The following GNAO1 variants were observed in gnomAD, a reference collection of about 807,000 sequenced individuals.
GNAO1 encodes the protein guanine nucleotide-binding protein G(o) subunit alpha.
For synonymous variants in GNAO1, 164 were observed against 180.7 expected (o/e 0.91, Z 0.74); for missense variants, 166 against 478.7 (o/e 0.35, Z 6.10).
chr16:56,257,605 C>T (rs1230425172), intron 2 of GNAO1, among the ~76,000 whole-genome samples: 7 of 152,100 alleles, frequency 4.6e-5, no homozygotes, highest in African/African-American at 1.4e-4. Context: ...CAAGCTGAAC[C>T]GTTTTCACAA....
chr16:56,346,960 C>A (rs2037876098), intron 6 of GNAO1: 1 of 985,296 alleles, frequency 1.0e-6, no homozygotes, highest in Non-Finnish European at 1.2e-6. Flanking sequence ...AGCCCCTGCT[C>A]CCACCTAACA....
At chr16:56,248,541 C>T (rs1163407472) in intron 2 of GNAO1, among the ~76,000 whole-genome samples, 2 of 152,098 alleles carry the variant, frequency 1.3e-5, no homozygotes, top group African/African-American at 4.8e-5. Flanking sequence ...AAGAGAGGCA[C>T]CACACAGAAA....
At chr16:56,263,092 C>T (rs147433032) in intron 2 of GNAO1, among the ~76,000 whole-genome samples, 5 of 152,236 alleles carry the variant, frequency 3.3e-5, no homozygotes, top group East Asian at 3.9e-4. Context: ...AATGAGGGAG[C>T]GAGTCTAGTT....
chr16:56,203,927 G>T lies in GNAO1; in HGVS notation c.161+11311G>T, dbSNP rs531543854. ...GTAGGGCTAGATTATAGGGTTCCCT[G>T]ATAGTTTTTCTAAGGGGTATATAGG... On this transcript the variant is annotated intron_variant, in intron 2 of 8. Transcript: ENST00000262493. 3.9e-4 allele frequency among the ~76,000 whole-genome samples: 59 copies of T among 152,174 alleles called. 1 individual carries two copies. The highest frequency in any genetic ancestry group is 7.3e-4 in the Non-Finnish European group (50 of 68,034).
chr16:56,292,926 G>A (rs537501519), intron 3 of GNAO1, among the ~76,000 whole-genome samples: 6 of 152,318 alleles, frequency 3.9e-5, no homozygotes, highest in African/African-American at 9.6e-5. Flanking sequence ...CATAGTGAAC[G>A]TTAGTTCCTT....
At chr16:56,211,257 A>G (rs1210577004) in intron 2 of GNAO1, among the ~76,000 whole-genome samples, 2 of 152,216 alleles carry the variant, frequency 1.3e-5, no homozygotes, top group East Asian at 1.9e-4. Flanking sequence ...TTTATAGATG[A>G]GGAAAGTAAG....
chr16:56,328,327 G>C (rs181981571), intron 3 of GNAO1, among the ~76,000 whole-genome samples: 2 of 152,330 alleles, frequency 1.3e-5, no homozygotes, highest in South Asian at 4.1e-4. Context: ...TTGAGTTGGA[G>C]AGTGGAGAAC....
At chr16:56,345,492 C>G in intron 6 of GNAO1, 2 of 985,534 alleles carry the variant, frequency 2.0e-6, no homozygotes, top group Non-Finnish European at 2.4e-6. Flanking sequence ...GACCCACAGG[C>G]ACAGAGCTCT....
At chr16:56,290,961 T>C (rs2037226270) in intron 3 of GNAO1, among the ~76,000 whole-genome samples, 1 of 152,272 alleles carries the variant, frequency 6.6e-6, no homozygotes, top group Non-Finnish European at 1.5e-5. Flanking sequence ...TTCCGTGTTG[T>C]AGCTGAATCA....
chr16:56,332,731 C>T (rs1365803848), intron 4 of GNAO1, among the ~76,000 whole-genome samples: 3 of 152,246 alleles, frequency 2.0e-5, no homozygotes, highest in Non-Finnish European at 4.4e-5. Flanking sequence ...TTGCATGAGG[C>T]TCGGCCAGCA....
chr16:56,280,210 G>A (rs1596839107), intron 3 of GNAO1, among the ~76,000 whole-genome samples: 1 of 152,264 alleles, frequency 6.6e-6, no homozygotes, highest in Non-Finnish European at 1.5e-5. Context: ...CTTGCACATG[G>A]TGGGCAGGAA....
At position 56,328,626 on chromosome 16, in the gene GNAO1, C is replaced by G. The variant is rs2037658821; in HGVS notation, c.304-5C>G. The G allele has an allele frequency of 6.8e-6, 11 of 1,613,272 alleles. No individual in the cohort carries two copies. Among genetic ancestry groups the G allele is most frequent in the Non-Finnish European group, 8.5e-6 (10 of 1,179,370 alleles). On this transcript the variant is annotated splice_region_variant and splice_polypyrimidine_tract_variant and intron_variant, in intron 3 of 8. Transcript: ENST00000262493. ...TCAAAGCCCACCATCCACCTCTCCT[C>G]ACAGGCTGACGCCAAGATGGTGTGT...
chr16:56,245,369 A>C (rs1339976187), intron 2 of GNAO1, among the ~76,000 whole-genome samples: 1 of 152,306 alleles, frequency 6.6e-6, no homozygotes, highest in East Asian at 1.9e-4. Context: ...GGTAACGCTC[A>C]GGTCTTTTGT....
intron 5 of GNAO1, 54 bp downstream of exon 5, chr16:56,334,911 C>T (rs1213527238): frequency 6.3e-7 from 1 of 1,588,508 alleles, no homozygotes; most frequent in Non-Finnish European, 8.6e-7. Context: ...GGGACATGCC[C>T]AGCCTCTCAG....
intron 2 of GNAO1, among the ~76,000 whole-genome samples, chr16:56,237,871 C>T (rs770509616): frequency 4.6e-5 from 7 of 152,208 alleles, no homozygotes; most frequent in East Asian, 3.9e-4. Flanking sequence ...CAGCTGGCAA[C>T]GGATAAAAGA....
At chr16:56,265,975 G>A (rs114835069) in intron 2 of GNAO1, among the ~76,000 whole-genome samples, 381 of 152,186 alleles carry the variant, frequency 2.5e-3, no homozygotes, top group African/African-American at 8.6e-3. Flanking sequence ...CTTTGCTCTT[G>A]CTGCTCCCTC....
chr16:56,302,237 G>T (rs2037352567), intron 3 of GNAO1: 1 of 152,242 alleles, frequency 6.6e-6, no homozygotes, highest in Non-Finnish European at 1.5e-5. Context: ...CTCCCTGAAG[G>T]GTTTCGACAC....
chr16:56,311,069 C>T lies in GNAO1; in HGVS notation c.304-17562C>T, dbSNP rs2037453375. Among the ~76,000 whole-genome samples the T allele has an allele frequency of 6.6e-6, 1 of 152,072 alleles. No homozygotes were observed. The highest frequency in any genetic ancestry group is 1.5e-5 in the Non-Finnish European group (1 of 68,026). On this transcript the variant is annotated intron_variant, in intron 3 of 8. Transcript: ENST00000262493. The surrounding 1 kb of genome is among the most constrained non-coding windows in gnomAD (Gnocchi z 5.2). ...AGCAGACCATGAGAGGGCTGAAATC[C>T]AGTGCACCTTCCCTTTTCTAAGCCT...
chr16:56,237,310 C>T (rs1236421858), intron 2 of GNAO1, among the ~76,000 whole-genome samples: 1 of 152,174 alleles, frequency 6.6e-6, no homozygotes, highest in African/African-American at 2.4e-5. Flanking sequence ...ATGTACCTGA[C>T]ATGGAGCTGA....
Sources: gnomAD v4.1 joint callset for allele counts (sites outside exome capture counted in the v4.1 genomes callset) on GRCh38, gnomAD v4.1.1 for gene constraint, Gnocchi (gnomAD v3.1) non-coding constraint, MANE v1.5 for transcripts, NCBI Gene and HGNC (gene_info 2026-07-23, HGNC 2026-07-21) for gene names.